Variants in SLC5A4 observed in about 807,000 individuals in gnomAD.
SLC5A4 encodes the protein probable glucose sensor protein SLC5A4.
SLC5A4 carries 55 observed loss-of-function variants against 70.3 expected under a neutral mutation model. The ratio of observed to expected loss-of-function variants is 0.78; its 90% CI spans 0.63 to 0.98. The LOEUF (loss-of-function observed/expected upper bound fraction) is 0.98, where lower values mean the gene tolerates loss of function less well. Ranked by LOEUF, SLC5A4 falls within the 50% of genes least tolerant of loss-of-function variation. SLC5A4 has a pLI of 0.00. For synonymous variants in SLC5A4, 268 were observed against 305.7 expected (o/e 0.88, Z 1.29); for missense variants, 735 against 839.2 (o/e 0.88, Z 1.53).
chr22:32,341,632 C>T, the SLC5A4 span, among the ~76,000 whole-genome samples: 1 of 152,196 alleles, frequency 6.6e-6, no homozygotes, highest in East Asian at 1.9e-4. Context: ...CGGAGAGCAT[C>T]CTTCAAAACC....
chr22:32,333,985 AAC>A, the SLC5A4 span, among the ~76,000 whole-genome samples: 95 of 145,132 alleles, frequency 6.5e-4, no homozygotes, highest in South Asian at 2.1e-3. Context: ...CACACCATGC[AAC>A]ACAGACACAC....
chr22:32,312,895 G>A, the SLC5A4 span, among the ~76,000 whole-genome samples: 1 of 152,142 alleles, frequency 6.6e-6, no homozygotes, highest in East Asian at 1.9e-4. Flanking sequence ...ATTTCTCTCT[G>A]GCCTCAGTGC....
the SLC5A4 span, among the ~76,000 whole-genome samples, chr22:32,311,114 G>C: frequency 7.2e-5 from 11 of 152,148 alleles, no homozygotes; most frequent in African/African-American, 2.4e-4. Context: ...GCTCAATAAG[G>C]CCTTCCCAGA....
In SLC5A4 at chr22:32,254,197, T is replaced by C. The variant is rs749520365; in HGVS notation, c.152A>G (p.Asn51Ser). The C allele has an allele frequency of 1.4e-5, 22 of 1,613,830 alleles. 1 individual carries two copies. In the South Asian group the frequency reaches 2.3e-4, roughly 17 times the overall value. The change falls in exon 2 of 15, where the codon AAC (asparagine) becomes AGC (serine). Residue 51 changes from asparagine to serine, a missense_variant. Physicochemically the swap from Asn to Ser is conservative, Grantham distance 46 (BLOSUM62 1). Coordinates refer to ENST00000266086, the MANE Select transcript of SLC5A4 (RefSeq NM_014227.3). ...AVGLWAMLKT[N>S]RGTIGGFFLA... is the part of the protein sequence containing the mutation. ...GAAGAAGCCTCCTATAGTACCTCGG[T>C]TGGTCTTCAGCATCGCCTGAGCAGA...
At chr22:32,334,276 G>A in the SLC5A4 span, among the ~76,000 whole-genome samples, 5 of 151,984 alleles carry the variant, frequency 3.3e-5, no homozygotes, top group African/African-American at 9.7e-5. Flanking sequence ...TGGTGCTGGC[G>A]TCCCATGGTG....
chr22:32,351,157 G>T, the SLC5A4 span, among the ~76,000 whole-genome samples: 1 of 152,072 alleles, frequency 6.6e-6, no homozygotes, highest in African/African-American at 2.4e-5. Context: ...AGGGAATATG[G>T]TTCTCTTAAT....
At chr22:32,337,118 C>T in the SLC5A4 span, among the ~76,000 whole-genome samples, 1 of 152,200 alleles carries the variant, frequency 6.6e-6, no homozygotes, top group African/African-American at 2.4e-5. Flanking sequence ...CTTTCTTTGC[C>T]TGGGGAAGGG....
Position 32,255,228 on chromosome 22 carries a change from G to T in SLC5A4, c.102C>A (p.Ile34=). 6 of 1,613,812 alleles carry T rather than the reference G, an allele frequency of 3.7e-6. No homozygotes were observed. Among genetic ancestry groups the T allele is most frequent in the Non-Finnish European group, 5.1e-6 (6 of 1,180,002 alleles). ...CAACAGCCATCACCACCAGAAAATA[G>T]ATGACAATGACTGAGATGTCAGCAG... ...RNAADISVIV[I]YFLVVMAVGL... The change falls in exon 1 of 15, where the codon ATC becomes ATA. Residue 34 remains isoleucine (I), a synonymous_variant. Transcript: ENST00000266086.
chr22:32,290,585 T>C, the SLC5A4 span, among the ~76,000 whole-genome samples: 2 of 152,260 alleles, frequency 1.3e-5, no homozygotes, highest in Non-Finnish European at 2.9e-5. Flanking sequence ...CCTTTTGGGT[T>C]GCTGTGACAA....
At chr22:32,295,649 T>C in the SLC5A4 span, among the ~76,000 whole-genome samples, 5 of 92,786 alleles carry the variant, frequency 5.4e-5, 1 homozygote, top group Admixed American at 1.2e-4. Flanking sequence ...GTGAAGAAGC[T>C]CTTTAGTTTA....
chr22:32,255,316 A>G lies in SLC5A4; in HGVS notation c.14T>C (p.Val5Ala). MAST[V>A]SPSTIAETPE... ...GGTCTCAGCTATGGTGCTGGGGCTAACCGTACTGGCCATGGCTGCAGGCAG... is the reference window on the plus strand; with the variant it reads ...GGTCTCAGCTATGGTGCTGGGGCTAGCCGTACTGGCCATGGCTGCAGGCAG... The change falls in exon 1 of 15, where the codon GTT (valine) becomes GCT (alanine). Residue 5 changes from valine to alanine, a missense_variant. Coordinates refer to ENST00000266086, the MANE Select transcript of SLC5A4 (RefSeq NM_014227.3). The G allele has an allele frequency of 6.2e-7, 1 of 1,614,120 alleles. No homozygotes were observed. Among genetic ancestry groups the G allele is most frequent in the South Asian group, 1.1e-5 (1 of 91,076 alleles).
At chr22:32,264,150 C>T in the SLC5A4 span, among the ~76,000 whole-genome samples, 1 of 151,292 alleles carries the variant, frequency 6.6e-6, no homozygotes, top group Non-Finnish European at 1.5e-5. Flanking sequence ...AACAAACCTG[C>T]ATGTTCTGCA....
At chr22:32,306,505 G>A in the SLC5A4 span, among the ~76,000 whole-genome samples, 1 of 136,126 alleles carries the variant, frequency 7.3e-6, no homozygotes, top group Non-Finnish European at 1.6e-5. Flanking sequence ...AAAGACAAAA[G>A]AGCAACAGCG....
At chr22:32,300,614 T>C in the SLC5A4 span, among the ~76,000 whole-genome samples, 70,467 of 148,748 alleles carry the variant, frequency 0.47, 16,948 homozygotes, top group Admixed American at 0.51. Context: ...AGAAATCACC[T>C]GTCTTCTGCG....
At chr22:32,228,686 C>A (rs1242972267) in intron 11 of SLC5A4, among the ~76,000 whole-genome samples, 1 of 152,164 alleles carries the variant, frequency 6.6e-6, no homozygotes, top group African/African-American at 2.4e-5. Context: ...CTCAGGGTCC[C>A]CTGGGTTGAC....
intron 3 of SLC5A4, 87 bp from the exon 4 acceptor site, chr22:32,248,889 ATT>A: frequency 1.1e-6 from 1 of 905,344 alleles, no homozygotes. Context: ...GAGTCTGGAA[ATT>A]AAAAAAAAAA....
chr22:32,322,411 C>A, the SLC5A4 span, among the ~76,000 whole-genome samples: 293 of 152,068 alleles, frequency 1.9e-3, 1 homozygote, highest in African/African-American at 6.7e-3. Flanking sequence ...ATGGTGAAAC[C>A]CCATCTCTAC....
At chr22:32,243,470 T>C (rs1372789007) in intron 5 of SLC5A4, among the ~76,000 whole-genome samples, 1 of 152,228 alleles carries the variant, frequency 6.6e-6, no homozygotes, top group Non-Finnish European at 1.5e-5. Flanking sequence ...GATTAGTGTA[T>C]CCATGTTATG....
the SLC5A4 span, among the ~76,000 whole-genome samples, chr22:32,316,504 AAGC>A: frequency 6.6e-6 from 1 of 150,572 alleles, no homozygotes; most frequent in Non-Finnish European, 1.5e-5. Context: ...TAGGGAGAAA[AAGC>A]AGAGTATGCT....
Sources: allele counts gnomAD v4.1 joint callset (sites outside exome capture counted in the v4.1 genomes callset), GRCh38; gene constraint gnomAD v4.1.1; transcripts MANE v1.5; gene names NCBI Gene and HGNC (gene_info 2026-07-23, HGNC 2026-07-21).